COG4: variants seen among roughly 807,000 people sequenced by gnomAD.
The protein encoded by COG4 is conserved oligomeric Golgi complex subunit 4.
In COG4, 65 loss-of-function variants were observed where a neutral mutation model predicts 95.1. The observed-to-expected ratio is 0.68, with a 90% CI of 0.56 to 0.84. The LOEUF is 0.84. Ranked by LOEUF, COG4 falls within the 40% of genes least tolerant of loss-of-function variation. The pLI is 0.00. For synonymous variants in COG4, 421 were observed against 374.8 expected, an observed-to-expected ratio of 1.12 and a Z score of -1.42; for missense variants, 1,045 against 989.1, an observed-to-expected ratio of 1.06 and a Z score of -0.76.
In COG4 at chr16:70,496,483, G is replaced by A. The variant is rs769237568; in HGVS notation, c.1482-52C>T. The A allele has an allele frequency of 5.7e-6, 9 of 1,579,696 alleles. No homozygotes were observed. In the South Asian group the frequency reaches 7.8e-5, roughly 14 times the overall value. ...TTGACAGTGCTCAACTTGGCCACCA[G>A]GACAGAAGGGCCAGTCTTCACCACT... On this transcript the variant is annotated intron_variant, in intron 11 of 18. Coordinates refer to ENST00000323786, the MANE Select transcript of COG4 (RefSeq NM_015386.3).
chr16:70,482,913 C>T, intron 14 of COG4, 92 bp from the exon 15 acceptor site: 1 of 961,350 alleles, frequency 1.0e-6, no homozygotes, highest in African/African-American at 1.6e-5. Context: ...CTATCCTCTC[C>T]CCATCCCTTT....
At chr16:70,518,122 G>A (rs2049863543) in intron 2 of COG4, among the ~76,000 whole-genome samples, 1 of 151,630 alleles carries the variant, frequency 6.6e-6, no homozygotes, top group African/African-American at 2.4e-5. Flanking sequence ...GTAGAGACGG[G>A]GTTTCACCAC....
rs1255647531 is a variant in COG4 at position 70,481,025 on chromosome 16, C to G, written c.2355G>C (p.Lys785Asn). 1 of 1,612,800 alleles carries G rather than the reference C, an allele frequency of 6.2e-7. No individual in the cohort carries two copies. Among genetic ancestry groups the G allele is most frequent in the African/African-American group, 1.3e-5 (1 of 74,922 alleles). The stretch of plus-strand genomic sequence containing the variant: ...ATCCAGGCAGCTACAGGCGCAGCCT[C>G]TTGATATCTTCACTGCGGAAGTCTA... ...LRIDFRSEDI[K>N]RLRL The change falls in exon 19 of 19, where the codon AAG (lysine) becomes AAC (asparagine). Residue 785 changes from lysine (K) to asparagine (N), a missense_variant. By Grantham distance (94) the Lys-to-Asn change is moderately conservative. Transcript: ENST00000323786.
In COG4 at chr16:70,482,127, T is replaced by C; in HGVS notation, c.1969A>G (p.Ile657Val). 2 of 1,614,092 alleles carry C rather than the reference T, an allele frequency of 1.2e-6. No homozygotes were observed. The highest frequency in any genetic ancestry group is 2.2e-5 in the South Asian group (2 of 91,086). ...GCCATTTGCTGCTCCAGGTTAAGGA[T>C]GAACTGTTGTACCCAAGGGTCGTTG... is the stretch of plus-strand genomic sequence containing the variant. ...EANDPWVQQFILNLEQQMAEF... is the reference protein window; with the variant it reads ...EANDPWVQQFVLNLEQQMAEF... Residue 657 changes from isoleucine to valine, a missense_variant, in exon 16 of 19, where the codon ATC (isoleucine) becomes GTC (valine). By Grantham distance (29) the Ile-to-Val change is conservative. Coordinates refer to ENST00000323786, the MANE Select transcript of COG4 (RefSeq NM_015386.3).
chr16:70,514,003 T>C (rs1433555953), intron 4 of COG4, among the ~76,000 whole-genome samples: 4 of 151,354 alleles, frequency 2.6e-5, no homozygotes, highest in Non-Finnish European at 4.4e-5. Flanking sequence ...AGATCAGGAG[T>C]TCAAGACCAC....
Position 70,517,685 on chromosome 16 carries a change from A to C in COG4, c.310T>G (p.Phe104Val), listed in dbSNP as rs777563203. ...ACATTCTCAGCCAGGTTGCAGGTAAAGGTGATCATTCCAGCCAGCTGCTTT... is the reference window on the plus strand; with the variant it reads ...ACATTCTCAGCCAGGTTGCAGGTAACGGTGATCATTCCAGCCAGCTGCTTT... ...DAKQLAGMIT[F>V]TCNLAENVSS... Residue 104 changes from phenylalanine (F) to valine (V), a missense_variant, in exon 3 of 19, where the codon TTT (phenylalanine) becomes GTT (valine). Phe to Val is a conservative substitution (Grantham distance 50). Coordinates refer to ENST00000323786, the MANE Select transcript of COG4 (RefSeq NM_015386.3). The C allele has an allele frequency of 4.3e-6, 7 of 1,613,740 alleles. No homozygotes were observed. The highest frequency in any genetic ancestry group is 5.1e-6 in the Non-Finnish European group (6 of 1,179,892).
At chr16:70,507,200 C>T (rs139420933) in intron 8 of COG4, among the ~76,000 whole-genome samples, 75 of 152,042 alleles carry the variant, frequency 4.9e-4, no homozygotes, top group Non-Finnish European at 7.8e-4. Flanking sequence ...ATCATACCAC[C>T]GTACTGCAGT....
Position 70,482,092 on chromosome 16 carries a change from C to T in COG4, c.2004G>A (p.Lys668=), listed in dbSNP as rs776728646. The part of the protein sequence containing the change: ...LNLEQQMAEF[K]ASLSPVIYDS... ...GTGGATCCCTAGGGCCCCTGCTCAC[C>T]TTGAACTCTGCCATTTGCTGCTCCA... is the stretch of plus-strand genomic sequence containing the variant. The change falls in exon 16 of 19, where the codon AAG becomes AAA. Residue 668 remains lysine, a splice_region_variant and synonymous_variant. Coordinates refer to ENST00000323786, the MANE Select transcript of COG4 (RefSeq NM_015386.3). 5.0e-6 allele frequency: 8 copies of T among 1,613,250 alleles called. No individual in the cohort carries two copies. The highest frequency in any genetic ancestry group is 2.7e-5 in the African/African-American group (2 of 74,966).
rs1310797248 is a variant in COG4, at chr16:70,517,700, C to T, written c.295G>A (p.Ala99Thr). The T allele has an allele frequency of 2.5e-6, 4 of 1,613,832 alleles. No individual in the cohort carries two copies. Among genetic ancestry groups the T allele is most frequent in the Non-Finnish European group, 3.4e-6 (4 of 1,179,930 alleles). The change falls in exon 3 of 19, where the codon GCT (alanine) becomes ACT (threonine). Residue 99 changes from alanine (A) to threonine (T), a missense_variant. Physicochemically the swap from Ala to Thr is moderately conservative, Grantham distance 58. Coordinates refer to ENST00000323786, the MANE Select transcript of COG4 (RefSeq NM_015386.3). ...QLIEGDAKQL[A>T]GMITFTCNLA... ...TTGCAGGTAAAGGTGATCATTCCAG[C>T]CAGCTGCTTTGCATCTCCCTCAATC...
At chr16:70,481,600 G>A (rs1160168354) in intron 17 of COG4, 113 bp from the exon 18 acceptor site, 2 of 1,525,762 alleles carry the variant, frequency 1.3e-6, no homozygotes, top group Non-Finnish European at 1.8e-6. Context: ...GGTGCCCTGT[G>A]GTTTGTTTGC....
At position 70,519,321 on chromosome 16, in the gene COG4, G is replaced by A. The variant is rs1366156410; in HGVS notation, c.254+328C>T. 4.0e-5 allele frequency among the ~76,000 whole-genome samples: 2 copies of A among 49,652 alleles called. 1 individual carries two copies. The highest frequency in any genetic ancestry group is 6.4e-5 in the Non-Finnish European group (2 of 31,162). The allele number at this position is 49,652 out of a possible 152,430, so 32.6% of individuals were successfully genotyped here. On this transcript the variant is annotated intron_variant, in intron 2 of 18. Coordinates refer to ENST00000323786, the MANE Select transcript of COG4 (RefSeq NM_015386.3). Reference sequence around the variant, plus strand: ...TTTTTGTATTTTTAGTAGAGACGGGGTTTCACCTTGTTAGCCAGGATGGTC... The same window carrying A: ...TTTTTGTATTTTTAGTAGAGACGGGATTTCACCTTGTTAGCCAGGATGGTC...
chr16:70,486,714 C>T lies in COG4; in HGVS notation c.1711-2745G>A, dbSNP rs537617397. On this transcript the variant is annotated intron_variant, in intron 13 of 18. Coordinates refer to ENST00000323786, the MANE Select transcript of COG4 (RefSeq NM_015386.3). ...TGCCATGACTTACAAACAATGATGT[C>T]GGCCGGGCGCCGTGGCTCACGCCTG... Among the ~76,000 whole-genome samples the T allele has an allele frequency of 6.6e-5, 10 of 151,950 alleles. No homozygotes were observed. The East Asian group carries it at 1.2e-3, about 18-fold the overall frequency.
At chr16:70,510,885 T>G (rs752230039) in intron 5 of COG4, among the ~76,000 whole-genome samples, 5 of 151,998 alleles carry the variant, frequency 3.3e-5, no homozygotes, top group Non-Finnish European at 7.4e-5. Flanking sequence ...TGTCTCAGCT[T>G]CCCGAGTGGT....
chr16:70,502,595 C>T (rs180681140), intron 8 of COG4, among the ~76,000 whole-genome samples: 1 of 144,874 alleles, frequency 6.9e-6, no homozygotes, highest in African/African-American at 2.9e-5. Flanking sequence ...GAGTGAAACT[C>T]CGTCTTAAAA....
At chr16:70,507,123 A>G (rs557980062) in intron 8 of COG4, among the ~76,000 whole-genome samples, 18 of 152,178 alleles carry the variant, frequency 1.2e-4, no homozygotes, top group Admixed American at 3.3e-4. Flanking sequence ...TATGTGTCCC[A>G]GCTACTCGGG....
intron 9 of COG4, among the ~76,000 whole-genome samples, chr16:70,500,694 C>CATTGAAGTGTTATATATAA (rs2049430942): frequency 6.6e-6 from 1 of 152,064 alleles, no homozygotes; most frequent in African/African-American, 2.4e-5. Flanking sequence ...AAGAACACTT[C>CATTGAAGTGTTATATATAA]ATTGAAGTAT....
chr16:70,501,033 A>G lies in COG4; in HGVS notation c.1120T>C (p.Leu374=), dbSNP rs750949106. 1.9e-6 allele frequency: 3 copies of G among 1,614,028 alleles called. No homozygotes were observed. Among genetic ancestry groups the G allele is most frequent in the Non-Finnish European group, 2.5e-6 (3 of 1,179,974 alleles). ...TLMNARSELY[L]RFLKKRISSD... is the part of the protein sequence containing the mutation. ...CTAATCCTCTTCTTGAGGAAGCGTA[A>G]GTATAGCTCACTGCGGGCATTCATC... The change falls in exon 9 of 19, where the codon TTA becomes CTA. Residue 374 remains leucine (L), a synonymous_variant. Coordinates refer to ENST00000323786, the MANE Select transcript of COG4 (RefSeq NM_015386.3).
chr16:70,488,838 A>G (rs529214983), intron 13 of COG4, among the ~76,000 whole-genome samples: 1 of 152,338 alleles, frequency 6.6e-6, no homozygotes, highest in Admixed American at 6.5e-5. Flanking sequence ...GGCATGAGCC[A>G]CCACACCCGG....
intron 14 of COG4, among the ~76,000 whole-genome samples, chr16:70,483,385 G>C (rs2049054698): frequency 6.7e-6 from 1 of 149,422 alleles, no homozygotes; most frequent in African/African-American, 2.5e-5. Context: ...TGCAGGCCCT[G>C]TTGGAGGTTA....
Sources: gnomAD v4.1 joint callset for allele counts (sites outside exome capture counted in the v4.1 genomes callset) on GRCh38, gnomAD v4.1.1 for gene constraint, MANE v1.5 for transcripts, NCBI Gene and HGNC (gene_info 2026-07-23, HGNC 2026-07-21) for gene names.